PRKCE: variants seen among roughly 807,000 people sequenced by gnomAD.
PRKCE encodes protein kinase C epsilon type.
A neutral mutation model predicts 85.4 loss-of-function variants in PRKCE; 16 were observed. The observed-to-expected ratio is 0.19, with a 90% CI of 0.13 to 0.28. The LOEUF (loss-of-function observed/expected upper bound fraction) is 0.28. PRKCE is among the 10% of genes least tolerant of loss of function. PRKCE has a pLI of 1.00. For synonymous variants in PRKCE, 388 were observed against 371.5 expected (o/e 1.04, Z -0.51); for missense variants, 573 against 975.2 (o/e 0.59, Z 5.49).
chr2:46,030,912 T>C (rs1707471368), intron 10 of PRKCE, among the ~76,000 whole-genome samples: 1 of 152,216 alleles, frequency 6.6e-6, no homozygotes, highest in Non-Finnish European at 1.5e-5. Context: ...TTTCCTTTTA[T>C]GATTGGTGGG....
intron 4 of PRKCE, 47 bp from the exon 5 acceptor site, chr2:45,980,249 T>G (rs1702778452): frequency 6.3e-7 from 1 of 1,574,964 alleles, no homozygotes; most frequent in Non-Finnish European, 8.6e-7. Flanking sequence ...GGAGGGACAC[T>G]CCCTTTCCTG....
At chr2:45,794,845 A>AACCCCCC (rs1687296127) in intron 1 of PRKCE, among the ~76,000 whole-genome samples, 2 of 122,572 alleles carry the variant, frequency 1.6e-5, no homozygotes, top group Non-Finnish European at 3.5e-5. Flanking sequence ...TTATTGCCCT[A>AACCCCCC]CCCCCCCCCC....
chr2:45,965,108 T>C (rs966797129), intron 2 of PRKCE, among the ~76,000 whole-genome samples: 6 of 152,236 alleles, frequency 3.9e-5, no homozygotes, highest in African/African-American at 1.4e-4. Flanking sequence ...TTCTGATTCT[T>C]ATTGTGTGCC....
chr2:45,744,527 TTTCTTTCCTTCTTTCTTTCTTTCTTC>T (rs1682961841), intron 1 of PRKCE, among the ~76,000 whole-genome samples: 6 of 31,882 alleles, frequency 1.9e-4, no homozygotes, highest in African/African-American at 5.8e-4. Flanking sequence ...TTTCTTTCTT[TTTCTTTCCTTCTTTCTTTCTTTCTTC>T]CTTCCTTCCT....
Position 45,955,071 on chromosome 2 carries a change from C to T in PRKCE, c.413-21358C>T, listed in dbSNP as rs1574011884. On this transcript the variant is annotated intron_variant, in intron 2 of 14. Transcript: ENST00000306156. ...AGCTGAGGAAACAATATGAACACTC[C>T]ATCACGCACTCCATCAAGTACTCCA... 1.0e-4 allele frequency among the ~76,000 whole-genome samples: 5 copies of T among 49,112 alleles called. No individual in the cohort carries two copies. In the South Asian group the frequency reaches 3.7e-3, roughly 36 times the overall value. The allele number at this position is 49,112 out of a possible 152,430, so 32.2% of individuals were successfully genotyped here. A position where few individuals can be genotyped will look rare whatever the true frequency, so the allele number is the denominator to read the frequency against.
At chr2:45,941,459 A>G (rs1699873425) in intron 2 of PRKCE, among the ~76,000 whole-genome samples, 1 of 152,220 alleles carries the variant, frequency 6.6e-6, no homozygotes. Context: ...GGGAGATCAT[A>G]CAGACCTACA....
At chr2:46,129,393 C>T (rs17034608) in intron 11 of PRKCE, among the ~76,000 whole-genome samples, 5,759 of 152,242 alleles carry the variant, frequency 0.038, 163 homozygotes, top group East Asian at 0.11. Flanking sequence ...TCAGCATGTA[C>T]GTTCACAGCA....
chr2:45,762,153 A>G (rs1168493131), intron 1 of PRKCE, among the ~76,000 whole-genome samples: 1 of 152,230 alleles, frequency 6.6e-6, no homozygotes, highest in Non-Finnish European at 1.5e-5. Context: ...TTTTACTCTC[A>G]TCAATGGAAG....
intron 11 of PRKCE, among the ~76,000 whole-genome samples, chr2:46,108,802 GT>G: frequency 6.6e-6 from 1 of 152,126 alleles, no homozygotes. Context: ...TGTCTCCTGT[GT>G]TTTATTGTAG....
intron 13 of PRKCE, among the ~76,000 whole-genome samples, chr2:46,156,746 G>A (rs1261018977): frequency 6.6e-6 from 1 of 152,134 alleles, no homozygotes; most frequent in Non-Finnish European, 1.5e-5. Flanking sequence ...TATATATTTA[G>A]GCCTTAAATA....
At chr2:45,690,039 A>G (rs775217366) in intron 1 of PRKCE, among the ~76,000 whole-genome samples, 14 of 152,214 alleles carry the variant, frequency 9.2e-5, no homozygotes, top group Non-Finnish European at 1.9e-4. Context: ...TTTGGAAACA[A>G]ACAGGAAAAT....
intron 1 of PRKCE, among the ~76,000 whole-genome samples, chr2:45,769,429 G>T (rs1685147529): frequency 6.6e-6 from 1 of 152,160 alleles, no homozygotes; most frequent in Non-Finnish European, 1.5e-5. Context: ...ATCTGTGTGT[G>T]TGTGGCTTTT....
intron 14 of PRKCE, among the ~76,000 whole-genome samples, chr2:46,174,664 T>C (rs1398027227): frequency 6.6e-6 from 1 of 151,946 alleles, no homozygotes; most frequent in Non-Finnish European, 1.5e-5. Context: ...CATGCCCCAC[T>C]CATTAGAGAG....
At chr2:46,075,020 C>T (rs12614060) in intron 10 of PRKCE, among the ~76,000 whole-genome samples, 15,224 of 152,174 alleles carry the variant, frequency 0.1, 1,047 homozygotes, top group African/African-American at 0.19. Flanking sequence ...AGAATACTTT[C>T]ATTTCTATGC....
intron 1 of PRKCE, among the ~76,000 whole-genome samples, chr2:45,808,624 C>T (rs183487209): frequency 1.3e-5 from 2 of 152,184 alleles, no homozygotes; most frequent in African/African-American, 2.4e-5. Flanking sequence ...AGCCCCCTAC[C>T]GTCTGGCACT....
intron 3 of PRKCE, among the ~76,000 whole-genome samples, chr2:45,977,373 A>G (rs1375456345): frequency 6.6e-6 from 1 of 151,966 alleles, no homozygotes; most frequent in Non-Finnish European, 1.5e-5. Context: ...GCGGTGGCTG[A>G]TGTCTATAAT....
chr2:45,866,588 T>A (rs998882144), intron 2 of PRKCE, among the ~76,000 whole-genome samples: 1 of 152,246 alleles, frequency 6.6e-6, no homozygotes, highest in Non-Finnish European at 1.5e-5. Flanking sequence ...ATTACAGGCA[T>A]GAGCCACCAC....
intron 1 of PRKCE, among the ~76,000 whole-genome samples, chr2:45,791,484 C>T (rs1325533836): frequency 1.3e-5 from 2 of 152,204 alleles, no homozygotes; most frequent in Admixed American, 6.5e-5. Flanking sequence ...CAGCATTACA[C>T]TGTATTTGTA....
intron 10 of PRKCE, among the ~76,000 whole-genome samples, chr2:46,061,865 T>C (rs557981245): frequency 1.6e-5 from 2 of 128,752 alleles, no homozygotes; most frequent in Admixed American, 7.4e-5. Context: ...TTTTCTTTTT[T>C]TTTTTTTTTT....
Sources: gnomAD v4.1 joint callset for allele counts (sites outside exome capture counted in the v4.1 genomes callset) on GRCh38, gnomAD v4.1.1 for gene constraint, MANE v1.5 for transcripts, NCBI Gene and HGNC (gene_info 2026-07-23, HGNC 2026-07-21) for gene names.